COLGALT2: variants seen among roughly 807,000 people sequenced by gnomAD.
The protein encoded by COLGALT2 is procollagen galactosyltransferase 2.
COLGALT2 carries 49 observed loss-of-function variants against 73.4 expected under a neutral mutation model. That is an observed-to-expected ratio of 0.67 (90% CI 0.53 to 0.85). The LOEUF is 0.85. Ranked by LOEUF, COLGALT2 falls within the 40% of genes least tolerant of loss-of-function variation. COLGALT2 has a pLI of 0.00. For missense variants in COLGALT2, 722 were observed against 790.2 expected, an observed-to-expected ratio of 0.91 and a Z score of 1.03; for synonymous variants, 295 against 307.6, an observed-to-expected ratio of 0.96 and a Z score of 0.43.
intron 8 of COLGALT2, among the ~76,000 whole-genome samples, chr1:183,946,859 A>G (rs989983853): frequency 2.6e-5 from 4 of 152,078 alleles, no homozygotes; most frequent in African/African-American, 9.7e-5. Context: ...GTGAAACCCC[A>G]TCTCTACTAA....
chr1:183,960,393 C>A (rs1670667736), intron 6 of COLGALT2, among the ~76,000 whole-genome samples: 1 of 152,186 alleles, frequency 6.6e-6, no homozygotes, highest in Non-Finnish European at 1.5e-5. Flanking sequence ...ACGATTAGGA[C>A]TTGAGGCTCT....
intron 1 of COLGALT2, among the ~76,000 whole-genome samples, chr1:184,026,408 G>A (rs1649332775): frequency 6.6e-6 from 1 of 152,112 alleles, no homozygotes; most frequent in South Asian, 2.1e-4. Context: ...AGAAAATAGG[G>A]TATGGAACCA....
At chr1:184,031,051 C>T (rs74132776) in intron 1 of COLGALT2, among the ~76,000 whole-genome samples, 6,730 of 152,128 alleles carry the variant, frequency 0.044, 472 homozygotes, top group African/African-American at 0.15. Flanking sequence ...CAGTTTTTAC[C>T]CAGAGGAAAT....
chr1:183,932,726 G>A (rs1403973195), downstream of COLGALT2, among the ~76,000 whole-genome samples: 4 of 152,170 alleles, frequency 2.6e-5, no homozygotes, highest in South Asian at 4.1e-4. Context: ...GGGCACTCTC[G>A]CTGGACGGGC....
At chr1:183,977,867 A>AAAAGG (rs1671248512) in intron 2 of COLGALT2, among the ~76,000 whole-genome samples, 1 of 147,286 alleles carries the variant, frequency 6.8e-6, no homozygotes, top group East Asian at 2.0e-4. Flanking sequence ...AAAAGAAAAG[A>AAAAGG]AAGAAAAGAA....
chr1:184,018,635 T>G (rs1236207119), intron 1 of COLGALT2, among the ~76,000 whole-genome samples: 1 of 152,208 alleles, frequency 6.6e-6, no homozygotes, highest in East Asian at 1.9e-4. Context: ...TACAAATTCT[T>G]TTTTTACCTT....
Position 184,037,627 on chromosome 1 carries a change from T to A in COLGALT2, c.-270A>T. On this transcript the variant is annotated 5_prime_UTR_variant, in exon 1 of 12. Coordinates refer to ENST00000361927, the MANE Select transcript of COLGALT2 (RefSeq NM_015101.4). ...TGCGCCTCGGGCTCGCAGACAGTAG[T>A]GGCCGAGGGGCTGTGTGCCCTGAGT... 9.5e-7 allele frequency: 1 copy of A among 1,055,422 alleles called. No homozygotes were observed. The highest frequency in any genetic ancestry group is 1.1e-6 in the Non-Finnish European group (1 of 876,290). 65.4% of individuals were successfully genotyped at this position (1,055,422 alleles called of 1,614,324 possible).
chr1:184,011,591 G>A (rs951586468), intron 1 of COLGALT2, among the ~76,000 whole-genome samples: 8 of 152,148 alleles, frequency 5.3e-5, no homozygotes, highest in South Asian at 2.1e-4. Flanking sequence ...TGTTCCAATC[G>A]GCTGTTATGC....
chr1:183,949,353 C>T (rs770535948), intron 8 of COLGALT2, among the ~76,000 whole-genome samples: 7 of 152,076 alleles, frequency 4.6e-5, no homozygotes, highest in Admixed American at 6.5e-5. Context: ...GTCATCAAGA[C>T]GGTATAGTAC....
At chr1:183,978,363 G>A (rs1671261892) in intron 2 of COLGALT2, 47 bp downstream of exon 2, 1 of 1,054,134 alleles carries the variant, frequency 9.5e-7, no homozygotes, top group African/African-American at 1.6e-5. Flanking sequence ...GCTAGTTAAA[G>A]AGGAAGGGTA....
At chr1:183,972,025 A>G (rs1671050405) in intron 4 of COLGALT2, among the ~76,000 whole-genome samples, 2 of 152,240 alleles carry the variant, frequency 1.3e-5, no homozygotes, top group Admixed American at 6.5e-5. Context: ...TCAGCACACT[A>G]CTGACCTTAT....
At chr1:183,943,899 G>A (rs1457425870) in intron 10 of COLGALT2, among the ~76,000 whole-genome samples, 1 of 152,178 alleles carries the variant, frequency 6.6e-6, no homozygotes, top group African/African-American at 2.4e-5. Context: ...TTTCTGCTGT[G>A]CTCCTAAGTA....
At position 183,936,873 on chromosome 1, in the gene COLGALT2, G is replaced by C; in HGVS notation, c.*1888C>G. On this transcript the variant is annotated 3_prime_UTR_variant, in exon 12 of 12. Coordinates refer to ENST00000361927, the MANE Select transcript of COLGALT2 (RefSeq NM_015101.4). ...GTAGAAGGGTACCCACAGTGAGTCG[G>C]GAAGGAAGGCCGAGGCTGGCGTCTG... The C allele has an allele frequency of 8.1e-7, 1 of 1,231,774 alleles. No individual in the cohort carries two copies. Among genetic ancestry groups the C allele is most frequent in the African/African-American group, 1.6e-5 (1 of 64,514 alleles). The allele number at this position is 1,231,774 out of a possible 1,614,324, so 76.3% of individuals were successfully genotyped here. A position where few individuals can be genotyped will look rare whatever the true frequency, so the allele number is the denominator to read the frequency against.
At chr1:183,973,052 A>G (rs1415980335) in intron 4 of COLGALT2, among the ~76,000 whole-genome samples, 1 of 152,212 alleles carries the variant, frequency 6.6e-6, no homozygotes, top group Admixed American at 6.5e-5. Context: ...TCCTAAGGAT[A>G]TAATCTTAAA....
At chr1:184,030,269 T>A (rs996499402) in intron 1 of COLGALT2, among the ~76,000 whole-genome samples, 1 of 152,220 alleles carries the variant, frequency 6.6e-6, no homozygotes, top group Non-Finnish European at 1.5e-5. Flanking sequence ...GAAATAAAAA[T>A]GTCAAAACAT....
At chr1:183,973,378 G>A (rs1426733660) in intron 4 of COLGALT2, among the ~76,000 whole-genome samples, 2 of 152,106 alleles carry the variant, frequency 1.3e-5, no homozygotes, top group Middle Eastern at 3.4e-3. Flanking sequence ...CTAATTTGAC[G>A]TTTCTAAGGC....
At chr1:183,963,845 T>C in intron 6 of COLGALT2, 56 bp downstream of exon 6, 1 of 1,453,640 alleles carries the variant, frequency 6.9e-7, no homozygotes, top group Non-Finnish European at 9.1e-7. Flanking sequence ...AAGTGGCTGG[T>C]ATGGTCACTG....
intron 1 of COLGALT2, among the ~76,000 whole-genome samples, chr1:183,991,066 G>T (rs142074059): frequency 1.3e-5 from 2 of 152,132 alleles, no homozygotes; most frequent in Non-Finnish European, 2.9e-5. Context: ...AATTCCATCC[G>T]CAGGTGCAGC....
chr1:183,980,446 C>T (rs1177157862), intron 1 of COLGALT2, among the ~76,000 whole-genome samples: 1 of 151,964 alleles, frequency 6.6e-6, no homozygotes, highest in African/African-American at 2.4e-5. Context: ...CTACTTTGTA[C>T]AACTCGATGA....
Sources: allele counts gnomAD v4.1 joint callset (sites outside exome capture counted in the v4.1 genomes callset), GRCh38; gene constraint gnomAD v4.1.1; transcripts MANE v1.5; gene names NCBI Gene and HGNC (gene_info 2026-07-23, HGNC 2026-07-21).